Variants in ARHGAP42 observed in about 807,000 individuals in gnomAD.
ARHGAP42 encodes rho GTPase-activating protein 42.
A neutral mutation model predicts 125.0 loss-of-function variants in ARHGAP42; 63 were observed. The observed-to-expected ratio is 0.50, with a 90% CI of 0.41 to 0.62. ARHGAP42 has a LOEUF of 0.62. Ranked by LOEUF, ARHGAP42 falls within the 20% of genes least tolerant of loss-of-function variation. ARHGAP42 has a pLI of 0.00. For synonymous variants in ARHGAP42, 339 were observed against 351.0 expected (o/e 0.97, Z 0.38); for missense variants, 766 against 1,024.2 (o/e 0.75, Z 3.44).
chr11:100,985,296 G>C (rs1351890715), intron 22 of ARHGAP42, among the ~76,000 whole-genome samples: 1 of 152,044 alleles, frequency 6.6e-6, no homozygotes, highest in Non-Finnish European at 1.5e-5. Context: ...TGTCTTAATG[G>C]TTCAAAGAAA....
intron 3 of ARHGAP42, among the ~76,000 whole-genome samples, chr11:100,837,498 A>G (rs1864818858): frequency 6.6e-6 from 1 of 152,094 alleles, no homozygotes; most frequent in East Asian, 1.9e-4. Flanking sequence ...AGTGAAAGCA[A>G]ATACACAAGG....
intron 1 of ARHGAP42, among the ~76,000 whole-genome samples, chr11:100,762,933 A>G (rs11224435): frequency 0.24 from 34,983 of 143,556 alleles, 4,370 homozygotes; most frequent in East Asian, 0.49. Flanking sequence ...ATTTGTGTGC[A>G]TTTTTAGTAC....
At chr11:100,785,311 C>T (rs1863406560) in intron 2 of ARHGAP42, among the ~76,000 whole-genome samples, 1 of 152,110 alleles carries the variant, frequency 6.6e-6, no homozygotes, top group South Asian at 2.1e-4. Context: ...GAGGCCGGGC[C>T]ATCTGGTAAG....
chr11:100,903,151 A>ACACACACACACACG (rs1216999959), intron 4 of ARHGAP42, among the ~76,000 whole-genome samples: 1 of 151,680 alleles, frequency 6.6e-6, no homozygotes, highest in Non-Finnish European at 1.5e-5. Context: ...ACACACACAC[A>ACACACACACACACG]CACACCAAGC....
chr11:100,929,562 T>TCA (rs1565280768), intron 6 of ARHGAP42, among the ~76,000 whole-genome samples: 1 of 152,212 alleles, frequency 6.6e-6, no homozygotes, highest in East Asian at 1.9e-4. Flanking sequence ...TCCATGTCCC[T>TCA]CACACACACT....
chr11:100,709,158 G>A (rs992331009), intron 1 of ARHGAP42, among the ~76,000 whole-genome samples: 3 of 152,108 alleles, frequency 2.0e-5, no homozygotes, highest in African/African-American at 7.2e-5. Flanking sequence ...TCCTGCCTCA[G>A]CCTCCTGAGT....
rs1161188111 is a variant in ARHGAP42, at chr11:100,943,778, C to T, written c.953C>T (p.Ser318Leu). ...SGKMNGLVTS[S>L]PEMFKLKSCI... ...TTTCAGAATGGCCTTGTTACTAGCT[C>T]ACCGGAAATGTTTAAATTAAAATCT... The change falls in exon 10 of 24, where the codon TCA becomes TTA. Residue 318 changes from serine (S) to leucine (L), a missense_variant. Physicochemically the swap from Ser to Leu is moderately radical, Grantham distance 145 (BLOSUM62 -2). Coordinates refer to ENST00000298815, the MANE Select transcript of ARHGAP42 (RefSeq NM_152432.4). 2 of 1,549,512 alleles carry T rather than the reference C, an allele frequency of 1.3e-6. No homozygotes were observed.
At chr11:100,702,097 C>T (rs1861407316) in intron 1 of ARHGAP42, among the ~76,000 whole-genome samples, 1 of 150,252 alleles carries the variant, frequency 6.7e-6, no homozygotes, top group Non-Finnish European at 1.5e-5. Context: ...CCAGCCTGGT[C>T]AACATAGCAA....
chr11:100,722,574 G>C (rs1244510448), intron 1 of ARHGAP42, among the ~76,000 whole-genome samples: 1 of 151,994 alleles, frequency 6.6e-6, no homozygotes, highest in East Asian at 1.9e-4. Flanking sequence ...ATTTTTAGTA[G>C]AGACGGGTTT....
At chr11:100,917,114 T>C (rs1308076338) in intron 5 of ARHGAP42, among the ~76,000 whole-genome samples, 3 of 151,948 alleles carry the variant, frequency 2.0e-5, no homozygotes, top group Non-Finnish European at 4.4e-5. Flanking sequence ...TTCTCTGTCA[T>C]AGTAACAAAT....
intron 6 of ARHGAP42, among the ~76,000 whole-genome samples, chr11:100,922,370 A>G (rs1312299834): frequency 1.3e-5 from 2 of 152,034 alleles, no homozygotes; most frequent in Non-Finnish European, 2.9e-5. Context: ...AGCTTATTTC[A>G]TTTTTTAGCA....
chr11:100,769,118 A>G (rs1036530743), intron 1 of ARHGAP42, among the ~76,000 whole-genome samples: 8 of 152,200 alleles, frequency 5.3e-5, no homozygotes, highest in Non-Finnish European at 1.0e-4. Context: ...CTAAATATAT[A>G]CACACATAGA....
At chr11:100,687,940 T>C in intron 1 of ARHGAP42, 108 bp downstream of exon 1, 1 of 1,292,722 alleles carries the variant, frequency 7.7e-7, no homozygotes, top group Non-Finnish European at 1.0e-6. Flanking sequence ...TTTGAATGGA[T>C]TTGGGGACAA....
chr11:100,916,762 A>C (rs1233894450), intron 5 of ARHGAP42, among the ~76,000 whole-genome samples: 4 of 152,174 alleles, frequency 2.6e-5, no homozygotes, highest in African/African-American at 9.7e-5. Flanking sequence ...TGAGCACAAA[A>C]ATTGTGTAAA....
intron 3 of ARHGAP42, among the ~76,000 whole-genome samples, chr11:100,796,188 T>G (rs551920571): frequency 6.6e-6 from 1 of 152,340 alleles, no homozygotes; most frequent in East Asian, 1.9e-4. Context: ...TGTTTCAAAT[T>G]TTTTCATTAG....
At chr11:100,751,679 C>T (rs1281894613) in intron 1 of ARHGAP42, among the ~76,000 whole-genome samples, 1 of 151,542 alleles carries the variant, frequency 6.6e-6, no homozygotes, top group Non-Finnish European at 1.5e-5. Context: ...AAGGGGGAGC[C>T]ACCTCAGCTC....
chr11:100,819,532 A>C (rs1310180684), intron 3 of ARHGAP42, among the ~76,000 whole-genome samples: 3 of 152,206 alleles, frequency 2.0e-5, no homozygotes, highest in East Asian at 3.9e-4. Context: ...GTTTTAGGAG[A>C]GGTACCATAG....
intron 4 of ARHGAP42, among the ~76,000 whole-genome samples, chr11:100,864,187 AT>A (rs77883167): frequency 2.1e-3 from 302 of 140,992 alleles, no homozygotes; most frequent in Admixed American, 2.1e-3. Flanking sequence ...ATGTCTGAGG[AT>A]TTTTTTTTTT....
chr11:100,979,286 T>C (rs1309738961), intron 22 of ARHGAP42, among the ~76,000 whole-genome samples: 1 of 152,170 alleles, frequency 6.6e-6, no homozygotes, highest in Non-Finnish European at 1.5e-5. Context: ...CAAACACATT[T>C]CCTAGAAGAT....
Sources: allele counts gnomAD v4.1 joint callset (sites outside exome capture counted in the v4.1 genomes callset), GRCh38; gene constraint gnomAD v4.1.1; transcripts MANE v1.5; gene names NCBI Gene and HGNC (gene_info 2026-07-23, HGNC 2026-07-21).